KCNH8: variants seen among roughly 807,000 people sequenced by gnomAD.
KCNH8 encodes potassium voltage-gated channel subfamily H member 8.
Under a neutral mutation model 103.6 loss-of-function variants are expected in KCNH8, and 70 were observed. That is an observed-to-expected ratio of 0.68 (90% CI 0.56 to 0.82). The LOEUF is 0.82. Among genes scored for constraint, KCNH8 ranks in the 40% least tolerant of loss-of-function variants. The pLI is 0.00. For missense variants in KCNH8, 1,217 were observed against 1,329.9 expected, an observed-to-expected ratio of 0.92 and a Z score of 1.32; for synonymous variants, 498 against 489.4, an observed-to-expected ratio of 1.02 and a Z score of -0.23.
chr3:19,296,855 A>AT (rs968692638), intron 3 of KCNH8, among the ~76,000 whole-genome samples: 5 of 151,564 alleles, frequency 3.3e-5, no homozygotes, highest in Non-Finnish European at 5.9e-5. Context: ...TTAAATATAT[A>AT]TTTTTTTCTT....
chr3:19,403,376 A>ATATATATATATG (rs1191089118), intron 7 of KCNH8, among the ~76,000 whole-genome samples: 6 of 27,090 alleles, frequency 2.2e-4, no homozygotes, highest in Middle Eastern at 0.02. Context: ...ATATATATAT[A>ATATATATATATG]TATATATATA....
At chr3:19,269,488 G>A (rs1408954453) in intron 2 of KCNH8, among the ~76,000 whole-genome samples, 1 of 151,972 alleles carries the variant, frequency 6.6e-6, no homozygotes, top group East Asian at 1.9e-4. Flanking sequence ...TAAAAAAGTC[G>A]CTGACCACCT....
At chr3:19,505,100 C>G (rs1203818948) in intron 11 of KCNH8, among the ~76,000 whole-genome samples, 1 of 150,826 alleles carries the variant, frequency 6.6e-6, no homozygotes, top group African/African-American at 2.5e-5. Context: ...CACACACACA[C>G]ACACCATGGA....
chr3:19,479,274 A>G (rs1019817689), intron 11 of KCNH8, among the ~76,000 whole-genome samples: 2 of 152,206 alleles, frequency 1.3e-5, no homozygotes, highest in Admixed American at 1.3e-4. Context: ...GTACTTCTGT[A>G]TCAGAAGTGA....
chr3:19,515,055 T>TA (rs2068851254), intron 13 of KCNH8, among the ~76,000 whole-genome samples: 1 of 151,812 alleles, frequency 6.6e-6, no homozygotes, highest in Non-Finnish European at 1.5e-5. Flanking sequence ...TTGAACAATA[T>TA]AAAAATACTC....
At chr3:19,355,554 TA>T (rs1468437245) in intron 5 of KCNH8, among the ~76,000 whole-genome samples, 1 of 152,004 alleles carries the variant, frequency 6.6e-6, no homozygotes, top group African/African-American at 2.4e-5. Context: ...TATGCAGCCA[TA>T]AAAAAGGATG....
intron 1 of KCNH8, among the ~76,000 whole-genome samples, chr3:19,196,402 T>C (rs1007487029): frequency 6.6e-6 from 1 of 151,932 alleles, no homozygotes; most frequent in African/African-American, 2.4e-5. Context: ...GTATTATCAC[T>C]TAATGCTCAG....
intron 5 of KCNH8, among the ~76,000 whole-genome samples, chr3:19,372,601 A>G (rs1351042038): frequency 6.6e-6 from 1 of 152,030 alleles, no homozygotes; most frequent in East Asian, 1.9e-4. Context: ...AATACCGTTT[A>G]TTTCCTTCTC....
chr3:19,419,198 T>TTTTTG (rs1559318859), intron 7 of KCNH8, among the ~76,000 whole-genome samples: 2 of 133,058 alleles, frequency 1.5e-5, no homozygotes, highest in African/African-American at 6.1e-5. Context: ...GGTTTTGGTT[T>TTTTTG]TTTTTTTTTT....
intron 1 of KCNH8, among the ~76,000 whole-genome samples, chr3:19,250,120 A>G (rs1373052475): frequency 6.6e-6 from 1 of 151,996 alleles, no homozygotes. Flanking sequence ...ACAGAGAAAA[A>G]TCTGTGTGGT....
intron 15 of KCNH8, among the ~76,000 whole-genome samples, chr3:19,531,103 C>A (rs532057365): frequency 6.6e-6 from 1 of 152,304 alleles, no homozygotes; most frequent in East Asian, 1.9e-4. Flanking sequence ...TTATTTAATT[C>A]TCAATAAAAG....
chr3:19,234,384 G>T (rs1381047370), intron 1 of KCNH8, among the ~76,000 whole-genome samples: 1 of 152,234 alleles, frequency 6.6e-6, no homozygotes, highest in African/African-American at 2.4e-5. Flanking sequence ...ACGGAGTTGG[G>T]GGGAGGCTCA....
At chr3:19,374,651 T>C (rs941586785) in intron 5 of KCNH8, among the ~76,000 whole-genome samples, 6 of 152,292 alleles carry the variant, frequency 3.9e-5, no homozygotes, top group African/African-American at 1.4e-4. Flanking sequence ...GTCATTATGA[T>C]GTCAGCTGGT....
intron 11 of KCNH8, among the ~76,000 whole-genome samples, chr3:19,489,876 A>C (rs571801909): frequency 6.6e-6 from 1 of 152,294 alleles, no homozygotes; most frequent in African/African-American, 2.4e-5. Context: ...CAAAAACAAA[A>C]ACCAAAGTGC....
At chr3:19,341,019 G>A (rs375665395) in intron 3 of KCNH8, among the ~76,000 whole-genome samples, 4 of 152,164 alleles carry the variant, frequency 2.6e-5, no homozygotes, top group Non-Finnish European at 2.9e-5. Context: ...TTCCCTGTTC[G>A]GCCCTTGACT....
chr3:19,470,918 A>G (rs978139960), intron 11 of KCNH8, among the ~76,000 whole-genome samples: 3 of 152,238 alleles, frequency 2.0e-5, no homozygotes, highest in Non-Finnish European at 4.4e-5. Context: ...GCAGTGGCTC[A>G]TGCTTCATCT....
intron 8 of KCNH8, among the ~76,000 whole-genome samples, chr3:19,446,849 G>A (rs2067369845): frequency 6.6e-6 from 1 of 151,886 alleles, no homozygotes. Context: ...AAGAGAAAGA[G>A]AAAGAGAAAG....
chr3:19,210,716 C>T (rs1001850058), intron 1 of KCNH8, among the ~76,000 whole-genome samples: 4 of 151,968 alleles, frequency 2.6e-5, no homozygotes, highest in South Asian at 4.2e-4. Context: ...TTAGAAAAAC[C>T]GGGCTGTCAC....
chr3:19,206,104 T>C (rs1471338257), intron 1 of KCNH8, among the ~76,000 whole-genome samples: 1 of 149,470 alleles, frequency 6.7e-6, no homozygotes, highest in Admixed American at 6.7e-5. Context: ...AGAGTAACAG[T>C]CTCCAGTCCC....
Sources: allele counts gnomAD v4.1 joint callset (sites outside exome capture counted in the v4.1 genomes callset), GRCh38; gene constraint gnomAD v4.1.1; transcripts MANE v1.5; gene names NCBI Gene and HGNC (gene_info 2026-07-23, HGNC 2026-07-21).